GFRA2: variants seen among roughly 807,000 people sequenced by gnomAD.
GFRA2 encodes the protein GDNF family receptor alpha 2, also known as GDNF family receptor alpha-2.
A neutral mutation model predicts 48.3 loss-of-function variants in GFRA2; 17 were observed. The ratio of observed to expected loss-of-function variants is 0.35; its 90% CI spans 0.24 to 0.53. The LOEUF is 0.53. GFRA2 is among the 20% of genes least tolerant of loss of function. The pLI, the probability that GFRA2 is intolerant of heterozygous loss-of-function variation, is 0.93. For missense variants in GFRA2, 660 were observed against 637.3 expected (o/e 1.04, Z -0.38); for synonymous variants, 305 against 257.2 (o/e 1.19, Z -1.78).
intron 4 of GFRA2, among the ~76,000 whole-genome samples, chr8:21,746,827 A>C (rs987314651): frequency 6.6e-6 from 1 of 152,000 alleles, no homozygotes; most frequent in Non-Finnish European, 1.5e-5. Context: ...AAAAGAAAAA[A>C]TGCTTCTAGT....
chr8:21,709,035 C>T (rs1029530601), intron 4 of GFRA2, among the ~76,000 whole-genome samples: 2 of 152,162 alleles, frequency 1.3e-5, no homozygotes, highest in African/African-American at 4.8e-5. Flanking sequence ...CCGGAGTGGG[C>T]TGCAGGTGGG....
intron 1 of GFRA2, among the ~76,000 whole-genome samples, chr8:21,787,768 A>AT (rs1295012805): frequency 1.5e-4 from 22 of 151,674 alleles, no homozygotes; most frequent in Non-Finnish European, 2.9e-4. Context: ...AGAGTTGGAT[A>AT]TTTTTTTTTC....
At chr8:21,780,649 C>G (rs1054115066) in intron 2 of GFRA2, among the ~76,000 whole-genome samples, 1 of 152,104 alleles carries the variant, frequency 6.6e-6, no homozygotes, top group African/African-American at 2.4e-5. Context: ...GGCCCCAAAA[C>G]AGATTCCCCA....
chr8:21,721,131 C>G (rs1803573501), intron 4 of GFRA2, among the ~76,000 whole-genome samples: 1 of 152,106 alleles, frequency 6.6e-6, no homozygotes, highest in Non-Finnish European at 1.5e-5. Flanking sequence ...TCTCCTAACA[C>G]CTCCCCTTGA....
At chr8:21,719,267 C>G (rs56988084) in intron 4 of GFRA2, among the ~76,000 whole-genome samples, 3 of 152,062 alleles carry the variant, frequency 2.0e-5, no homozygotes, top group Admixed American at 2.0e-4. Flanking sequence ...CCCAAGTCCA[C>G]GTGGATCTTC....
intron 4 of GFRA2, among the ~76,000 whole-genome samples, chr8:21,727,035 C>A (rs545571200): frequency 6.6e-6 from 1 of 152,300 alleles, no homozygotes; most frequent in African/African-American, 2.4e-5. Flanking sequence ...CAGGCATGAG[C>A]CACCGTGCCC....
chr8:21,787,189 G>C (rs1006953261), intron 1 of GFRA2, among the ~76,000 whole-genome samples: 3 of 145,720 alleles, frequency 2.1e-5, no homozygotes, highest in African/African-American at 7.4e-5. Context: ...GAGGAGCTGG[G>C]AATTCTGTGT....
chr8:21,730,666 C>T, intron 4 of GFRA2, among the ~76,000 whole-genome samples: 1 of 152,156 alleles, frequency 6.6e-6, no homozygotes, highest in East Asian at 1.9e-4. Flanking sequence ...CACTCAGAAA[C>T]ACACACAGTC....
chr8:21,745,899 G>T (rs1585287655), intron 4 of GFRA2, among the ~76,000 whole-genome samples: 1 of 152,304 alleles, frequency 6.6e-6, no homozygotes, highest in East Asian at 1.9e-4. Context: ...TGATGAGGCT[G>T]GCTGAGTCAT....
At chr8:21,748,465 A>T (rs1215531977) in intron 4 of GFRA2, among the ~76,000 whole-genome samples, 1 of 152,178 alleles carries the variant, frequency 6.6e-6, no homozygotes, top group African/African-American at 2.4e-5. Context: ...TCTCCAGGTG[A>T]CTTTCAGCCA....
chr8:21,793,325 T>C (rs1375798367), upstream of GFRA2, among the ~76,000 whole-genome samples: 7 of 151,986 alleles, frequency 4.6e-5, no homozygotes, highest in Admixed American at 2.0e-4. Flanking sequence ...TAGGAGGTGA[T>C]TGTAACAGTC....
chr8:21,722,492 A>C (rs1803647630), intron 4 of GFRA2, among the ~76,000 whole-genome samples: 1 of 152,184 alleles, frequency 6.6e-6, no homozygotes, highest in Non-Finnish European at 1.5e-5. Flanking sequence ...GGCTTTACAA[A>C]AAATAGAATC....
At chr8:21,789,251 G>C (rs1018917309), upstream of GFRA2, 1 of 153,368 alleles carries the variant, frequency 6.5e-6, no homozygotes, top group East Asian at 1.9e-4. Flanking sequence ...CCCCGGCTAC[G>C]GCTCGGGCTC....
intron 2 of GFRA2, among the ~76,000 whole-genome samples, chr8:21,802,081 A>G (rs1807782388): frequency 1.3e-5 from 2 of 152,182 alleles, no homozygotes; most frequent in East Asian, 3.9e-4. Context: ...TGCAGATTGG[A>G]AATGCAAAAG....
rs143403149 is a variant in GFRA2 at position 21,758,623 on chromosome 8, C to T, written c.440-7681G>A. Among the ~76,000 whole-genome samples, 79 of 152,170 alleles carry T rather than the reference C, an allele frequency of 5.2e-4. No homozygotes were observed. The East Asian group carries it at 7.7e-3, about 15-fold the overall frequency. On this transcript the variant is annotated intron_variant, in intron 3 of 8. Coordinates refer to ENST00000524240, the MANE Select transcript of GFRA2 (RefSeq NM_001495.5). ...TCTGCTTCTCCAAGCTGAAGAAGAC[C>T]CCAGGTAAATCTCTGTGCCTTTCTC...
chr8:21,809,330 GT>G (rs1477565774), intron 1 of GFRA2, among the ~76,000 whole-genome samples: 1 of 152,148 alleles, frequency 6.6e-6, no homozygotes, highest in Non-Finnish European at 1.5e-5. Flanking sequence ...ATCTCTGTTT[GT>G]TTTTGTTTTG....
chr8:21,716,815 T>C (rs1212225165), intron 4 of GFRA2, among the ~76,000 whole-genome samples: 1 of 152,212 alleles, frequency 6.6e-6, no homozygotes, highest in Non-Finnish European at 1.5e-5. Flanking sequence ...ACACGTAGAC[T>C]AGCAAGCACA....
chr8:21,694,386 AT>A, intron 8 of GFRA2, 77 bp downstream of exon 8: 1 of 1,377,904 alleles, frequency 7.3e-7, no homozygotes, highest in Non-Finnish European at 1.0e-6. Context: ...AGGGCGCTGG[AT>A]CTGAGGCTCG....
At chr8:21,746,659 T>G (rs1040723275) in intron 4 of GFRA2, among the ~76,000 whole-genome samples, 1 of 152,044 alleles carries the variant, frequency 6.6e-6, no homozygotes, top group Non-Finnish European at 1.5e-5. Context: ...TCAGAAACTG[T>G]CAGCCCTCAG....
Sources: allele counts gnomAD v4.1 joint callset (sites outside exome capture counted in the v4.1 genomes callset), GRCh38; gene constraint gnomAD v4.1.1; transcripts MANE v1.5; gene names NCBI Gene and HGNC (gene_info 2026-07-23, HGNC 2026-07-21).